BRINP3: variants seen among roughly 807,000 people sequenced by gnomAD.
BRINP3 encodes BMP/retinoic acid-inducible neural-specific protein 3.
In BRINP3, 19 loss-of-function variants were observed where a neutral mutation model predicts 71.0. The ratio of observed to expected loss-of-function variants is 0.27; its 90% CI spans 0.19 to 0.39. The LOEUF (loss-of-function observed/expected upper bound fraction) is 0.39, where lower values mean the gene tolerates loss of function less well. Ranked by LOEUF, BRINP3 falls within the 10% of genes least tolerant of loss-of-function variation. The probability of loss-of-function intolerance (pLI) is 1.00; values close to 1 mark genes in which losing one functional copy is unlikely to be tolerated. For missense variants in BRINP3, 959 were observed against 940.8 expected, an observed-to-expected ratio of 1.02 and a Z score of -0.25; for synonymous variants, 380 against 337.7, an observed-to-expected ratio of 1.13 and a Z score of -1.37.
chr1:190,273,087 T>C (rs1279415678), intron 3 of BRINP3, among the ~76,000 whole-genome samples: 1 of 151,158 alleles, frequency 6.6e-6, no homozygotes, highest in African/African-American at 2.4e-5. Flanking sequence ...ACTATCATAC[T>C]TTTGTAATTA....
intron 6 of BRINP3, among the ~76,000 whole-genome samples, chr1:190,203,931 T>A (rs1401830100): frequency 2.0e-5 from 3 of 150,098 alleles, no homozygotes; most frequent in African/African-American, 7.3e-5. Flanking sequence ...GAACACCCAA[T>A]CAGAAAGACC....
intron 5 of BRINP3, among the ~76,000 whole-genome samples, chr1:190,233,094 T>C (rs924747250): frequency 2.6e-5 from 4 of 152,068 alleles, no homozygotes; most frequent in African/African-American, 9.7e-5. Flanking sequence ...TTCAATGTTA[T>C]TACATTTTTC....
At chr1:190,386,850 T>C (rs1274714554) in intron 2 of BRINP3, among the ~76,000 whole-genome samples, 3 of 152,042 alleles carry the variant, frequency 2.0e-5, no homozygotes, top group Non-Finnish European at 4.4e-5. Context: ...AGCTATGCCA[T>C]AGGGTAAAAA....
At chr1:190,353,375 A>G (rs1041443945) in intron 2 of BRINP3, among the ~76,000 whole-genome samples, 3 of 152,042 alleles carry the variant, frequency 2.0e-5, no homozygotes, top group African/African-American at 4.8e-5. Flanking sequence ...GTGACTAAGT[A>G]AAAGTATGGT....
At chr1:190,287,205 C>T (rs903081766) in intron 2 of BRINP3, among the ~76,000 whole-genome samples, 4 of 151,964 alleles carry the variant, frequency 2.6e-5, no homozygotes, top group Admixed American at 1.3e-4. Flanking sequence ...CAGCCTGGGC[C>T]GCAGAGCGAG....
rs530963679 is a variant in BRINP3 at position 190,346,632 on chromosome 1, A to T, written c.237-64882T>A. Among the ~76,000 whole-genome samples, 55 of 152,066 alleles carry T rather than the reference A, an allele frequency of 3.6e-4. 1 individual carries two copies. Among genetic ancestry groups the T allele is most frequent in the Admixed American group, 2.6e-4 (4 of 15,260 alleles). ...TCTCACTTAATCTAGATCATTTTTT[A>T]ATACAAAGTGCTACCTTTCCTTAGA... On this transcript the variant is annotated intron_variant, in intron 2 of 7. Transcript: ENST00000367462.
At chr1:190,271,231 A>G (rs1030054921) in intron 3 of BRINP3, among the ~76,000 whole-genome samples, 7 of 151,626 alleles carry the variant, frequency 4.6e-5, no homozygotes, top group African/African-American at 1.7e-4. Flanking sequence ...GAAATGTATA[A>G]TCAGTTTTAG....
At chr1:190,176,940 C>T (rs920095591) in intron 6 of BRINP3, among the ~76,000 whole-genome samples, 3 of 152,136 alleles carry the variant, frequency 2.0e-5, no homozygotes, top group South Asian at 2.1e-4. Flanking sequence ...CATTAGTCAT[C>T]AACCCAAAAC....
intron 2 of BRINP3, chr1:190,342,497 A>T (rs1164248221): frequency 6.6e-6 from 1 of 151,452 alleles, no homozygotes; most frequent in Admixed American, 6.6e-5. Flanking sequence ...AAGAGTATTG[A>T]AACATGTCTC....
chr1:190,411,169 A>T (rs1571982148), intron 2 of BRINP3, among the ~76,000 whole-genome samples: 1 of 152,252 alleles, frequency 6.6e-6, no homozygotes, highest in East Asian at 1.9e-4. Flanking sequence ...AACCCTTTCT[A>T]TATGACAGAG....
At chr1:190,267,220 A>T (rs575450149) in intron 3 of BRINP3, among the ~76,000 whole-genome samples, 15 of 152,280 alleles carry the variant, frequency 9.9e-5, no homozygotes, top group Non-Finnish European at 1.6e-4. Context: ...AATACACAGA[A>T]CATTTACAAA....
intron 6 of BRINP3, among the ~76,000 whole-genome samples, chr1:190,207,341 C>T (rs1655601003): frequency 6.6e-6 from 1 of 152,090 alleles, no homozygotes; most frequent in African/African-American, 2.4e-5. Flanking sequence ...TAGCCTGATG[C>T]TTGTTCAGAG....
chr1:190,201,694 G>A (rs1201475433), intron 6 of BRINP3, among the ~76,000 whole-genome samples: 1 of 151,942 alleles, frequency 6.6e-6, no homozygotes, highest in East Asian at 1.9e-4. Context: ...AGCTGCTCCA[G>A]CCATGGTTGA....
At chr1:190,265,737 A>T (rs558817023) in intron 3 of BRINP3, among the ~76,000 whole-genome samples, 2 of 151,988 alleles carry the variant, frequency 1.3e-5, no homozygotes, top group South Asian at 4.1e-4. Context: ...ATAAATAAAT[A>T]AAAAGAAAGA....
rs564751324 is a variant in BRINP3, at chr1:190,412,039, C to T, written c.236+42616G>A. Among the ~76,000 whole-genome samples the T allele has an allele frequency of 3.3e-5, 5 of 152,186 alleles. No individual in the cohort carries two copies. The South Asian group carries it at 1.0e-3, about 32-fold the overall frequency. Reference sequence around the variant, plus strand: ...CTTACTGTAACCTATGTTTGACATGCTTCTCCCATAGCCTACTTAAGCCAT... The same window carrying T: ...CTTACTGTAACCTATGTTTGACATGTTTCTCCCATAGCCTACTTAAGCCAT... On this transcript the variant is annotated intron_variant, in intron 2 of 7. Transcript: ENST00000367462.
intron 7 of BRINP3, among the ~76,000 whole-genome samples, chr1:190,138,489 C>G (rs1431759510): frequency 6.6e-6 from 1 of 152,148 alleles, no homozygotes; most frequent in Non-Finnish European, 1.5e-5. Context: ...CAGAAAATGA[C>G]TTGGTAGCTC....
intron 6 of BRINP3, among the ~76,000 whole-genome samples, chr1:190,168,273 C>T (rs1651730266): frequency 1.3e-5 from 2 of 152,062 alleles, no homozygotes; most frequent in Admixed American, 1.3e-4. Flanking sequence ...TTTGAGTCAT[C>T]ATGAGAAGAA....
chr1:190,207,820 A>G (rs751764433), intron 6 of BRINP3, among the ~76,000 whole-genome samples: 40 of 152,172 alleles, frequency 2.6e-4, no homozygotes, highest in Non-Finnish European at 5.9e-5. Flanking sequence ...AATTAGTATT[A>G]CAGCCTAGAT....
rs111799006 is a variant in BRINP3 at position 190,237,825 on chromosome 1, A to G, written c.619-3348T>C. ...ATGAACATAAAACACTGGAATACTG[A>G]TAAGTACAATTAGCTCTTTTACAAT... is the stretch of plus-strand genomic sequence containing the variant. On this transcript the variant is annotated intron_variant, in intron 4 of 7. Transcript: ENST00000367462. Among the ~76,000 whole-genome samples, 497 of 152,202 alleles carry G rather than the reference A, an allele frequency of 3.3e-3. 3 individuals are homozygous for G. The highest frequency in any genetic ancestry group is 0.011 in the African/African-American group (460 of 41,574).
Sources: gnomAD v4.1 joint callset for allele counts (sites outside exome capture counted in the v4.1 genomes callset) on GRCh38, gnomAD v4.1.1 for gene constraint, MANE v1.5 for transcripts, NCBI Gene and HGNC (gene_info 2026-07-23, HGNC 2026-07-21) for gene names.